Variants in NPAS3 observed in about 807,000 individuals in gnomAD.
NPAS3 encodes neuronal PAS domain-containing protein 3.
Under a neutral mutation model 73.1 loss-of-function variants are expected in NPAS3, and 14 were observed. The ratio of observed to expected loss-of-function variants is 0.19; its 90% CI spans 0.13 to 0.30. NPAS3 has a LOEUF of 0.30. Among genes scored for constraint, NPAS3 ranks in the 10% least tolerant of loss-of-function variants. NPAS3 has a pLI of 1.00. For synonymous variants in NPAS3, 620 were observed against 541.5 expected (o/e 1.14, Z -2.01); for missense variants, 1,096 against 1,250.0 (o/e 0.88, Z 1.86).
intron 3 of NPAS3, among the ~76,000 whole-genome samples, chr14:33,256,076 T>G (rs534442117): frequency 6.6e-6 from 1 of 152,234 alleles, no homozygotes; most frequent in Non-Finnish European, 1.5e-5. Context: ...ATTACCATGG[T>G]CACTTGTAGG....
At chr14:33,166,969 T>G (rs1268925476) in intron 2 of NPAS3, among the ~76,000 whole-genome samples, 1 of 152,182 alleles carries the variant, frequency 6.6e-6, no homozygotes, top group Admixed American at 6.5e-5. Context: ...GCTCCTGGAT[T>G]TCCTTTTAAT....
At chr14:33,095,661 TATTTTTTTA>T (rs1223741412) in intron 2 of NPAS3, among the ~76,000 whole-genome samples, 9 of 119,204 alleles carry the variant, frequency 7.6e-5, no homozygotes, top group African/African-American at 2.6e-4. Context: ...TCTCTGCTTT[TATTTTTTTA>T]TTTTTTTTTT....
chr14:32,990,555 G>C (rs948148722), intron 1 of NPAS3, among the ~76,000 whole-genome samples: 2 of 152,098 alleles, frequency 1.3e-5, no homozygotes, highest in Non-Finnish European at 2.9e-5. Flanking sequence ...CTACCAGTGG[G>C]CAAATCCAGT....
chr14:32,946,250 A>G (rs2036244094), intron 1 of NPAS3, among the ~76,000 whole-genome samples: 1 of 151,902 alleles, frequency 6.6e-6, no homozygotes, highest in Admixed American at 6.6e-5. Context: ...ACATGCATTC[A>G]CTCATTTAAT....
At chr14:33,143,181 C>A (rs968575883) in intron 2 of NPAS3, among the ~76,000 whole-genome samples, 1 of 151,482 alleles carries the variant, frequency 6.6e-6, no homozygotes, top group Non-Finnish European at 1.5e-5. Context: ...TTGCCACTTA[C>A]AGTTTATAAG....
At chr14:33,199,905 G>A (rs559156555) in intron 2 of NPAS3, among the ~76,000 whole-genome samples, 91 of 152,078 alleles carry the variant, frequency 6.0e-4, no homozygotes, top group African/African-American at 2.1e-3. Flanking sequence ...CGTACTTATC[G>A]AAGACATACT....
chr14:33,712,969 C>T (rs2060863636), intron 6 of NPAS3, among the ~76,000 whole-genome samples: 1 of 152,162 alleles, frequency 6.6e-6, no homozygotes, highest in South Asian at 2.1e-4. Context: ...GGCACTTTCT[C>T]TATGCTGTGT....
intron 4 of NPAS3, among the ~76,000 whole-genome samples, chr14:33,548,832 C>A (rs78663256): frequency 0.028 from 4,256 of 152,280 alleles, 185 homozygotes; most frequent in African/African-American, 0.094. Flanking sequence ...CCTCTGACTT[C>A]ACCTAAAGAA....
At chr14:33,031,872 G>A (rs573454784) in intron 1 of NPAS3, among the ~76,000 whole-genome samples, 79 of 152,330 alleles carry the variant, frequency 5.2e-4, no homozygotes, top group African/African-American at 1.7e-3. Context: ...GATACAAAGT[G>A]ATTAAAACAA....
chr14:32,956,262 G>T lies in NPAS3; in HGVS notation c.50+16896G>T, dbSNP rs550111083. ...TGATTAGGCCAAAATTGAAAAATTCGATCATGTAAAATAGAACAGGTTACA... is the reference window on the plus strand; with the variant it reads ...TGATTAGGCCAAAATTGAAAAATTCTATCATGTAAAATAGAACAGGTTACA... On this transcript the variant is annotated intron_variant, in intron 1 of 11. Coordinates refer to ENST00000356141, the Ensembl canonical transcript of NPAS3. Among the ~76,000 whole-genome samples, 5 of 152,082 alleles carry T rather than the reference G, an allele frequency of 3.3e-5. No individual in the cohort carries two copies. The South Asian group carries it at 1.0e-3, about 32-fold the overall frequency.
At chr14:32,936,319 T>A (rs904271339), upstream of NPAS3, among the ~76,000 whole-genome samples, 2 of 147,510 alleles carry the variant, frequency 1.4e-5, no homozygotes, top group Non-Finnish European at 3.0e-5. Context: ...TTTTTTTTTT[T>A]AAAGAGTTTG....
At chr14:33,447,068 A>G (rs4982089) in intron 4 of NPAS3, among the ~76,000 whole-genome samples, 52,410 of 151,850 alleles carry the variant, frequency 0.35, 10,082 homozygotes, top group East Asian at 0.55. Flanking sequence ...AAAGAAGCTC[A>G]CAATCTGTGG....
chr14:33,791,235 C>T (rs999741457), intron 9 of NPAS3, among the ~76,000 whole-genome samples: 2 of 152,194 alleles, frequency 1.3e-5, no homozygotes, highest in Non-Finnish European at 2.9e-5. Context: ...AAGTCAAGGG[C>T]TATCACGTGG....
At chr14:33,259,182 G>T (rs2048884780) in intron 3 of NPAS3, among the ~76,000 whole-genome samples, 1 of 152,200 alleles carries the variant, frequency 6.6e-6, no homozygotes, top group Non-Finnish European at 1.5e-5. Context: ...CTATCAGTTT[G>T]CTGAGAATGT....
At position 33,031,875 on chromosome 14, in the gene NPAS3, T is replaced by G. The variant is rs376820391; in HGVS notation, c.51-24030T>G. ...GGTAGGGTAAATGATACAAAGTGATTAAAACAAAGATTTTGATCTCACAGA... is the reference window on the plus strand; with the variant it reads ...GGTAGGGTAAATGATACAAAGTGATGAAAACAAAGATTTTGATCTCACAGA... On this transcript the variant is annotated intron_variant, in intron 1 of 11. Transcript: ENST00000356141. Among the ~76,000 whole-genome samples, 14 of 152,370 alleles carry G rather than the reference T, an allele frequency of 9.2e-5. No homozygotes were observed. In the East Asian group the frequency reaches 2.5e-3, roughly 27 times the overall value.
intron 6 of NPAS3, among the ~76,000 whole-genome samples, chr14:33,697,265 A>G (rs892919154): frequency 6.6e-6 from 1 of 152,184 alleles, no homozygotes; most frequent in Non-Finnish European, 1.5e-5. Flanking sequence ...AGACAGCAAT[A>G]CTGTTCAAAT....
chr14:33,330,776 A>C (rs2043949172), intron 3 of NPAS3, among the ~76,000 whole-genome samples: 1 of 142,188 alleles, frequency 7.0e-6, no homozygotes, highest in Non-Finnish European at 1.5e-5. Flanking sequence ...GAAAGCATTA[A>C]TTCAAAGAGT....
At chr14:33,410,932 C>T (rs2047894770) in intron 4 of NPAS3, among the ~76,000 whole-genome samples, 2 of 152,110 alleles carry the variant, frequency 1.3e-5, no homozygotes, top group Admixed American at 1.3e-4. Context: ...AGGAGTGAGC[C>T]ACCGCATCCA....
At chr14:33,235,467 A>G (rs1291818055) in intron 3 of NPAS3, among the ~76,000 whole-genome samples, 1 of 152,092 alleles carries the variant, frequency 6.6e-6, no homozygotes, top group Non-Finnish European at 1.5e-5. Context: ...AGTGAAATCA[A>G]CAACTCTCTT....
Sources: allele counts gnomAD v4.1 joint callset (sites outside exome capture counted in the v4.1 genomes callset), GRCh38; gene constraint gnomAD v4.1.1; transcripts MANE v1.5; gene names NCBI Gene and HGNC (gene_info 2026-07-23, HGNC 2026-07-21).